NRXN1: variants seen among roughly 807,000 people sequenced by gnomAD.
NRXN1 encodes neurexin 1, also known as neurexin-1.
Under a neutral mutation model 150.9 loss-of-function variants are expected in NRXN1, and 39 were observed. The observed-to-expected ratio is 0.26, with a 90% confidence interval of 0.20 to 0.34. The LOEUF is 0.34. Ranked by LOEUF, NRXN1 falls within the 10% of genes least tolerant of loss-of-function variation. The pLI, the probability that NRXN1 is intolerant of heterozygous loss-of-function variation, is 1.00. For missense variants in NRXN1, 1,815 were observed against 1,949.9 expected (o/e 0.93, Z 1.30); for synonymous variants, 924 against 757.0 (o/e 1.22, Z -3.62).
At chr2:50,803,795 C>A in intron 5 of NRXN1, among the ~76,000 whole-genome samples, 1 of 152,196 alleles carries the variant, frequency 6.6e-6, no homozygotes, top group East Asian at 1.9e-4. Context: ...TCAGCAATTT[C>A]TTTTCTATGC....
intron 2 of NRXN1, chr2:50,985,572 C>G (rs1346812722): frequency 6.6e-6 from 1 of 151,336 alleles, no homozygotes; most frequent in East Asian, 1.9e-4. Flanking sequence ...TGAAACCACT[C>G]TGAAAGAATT....
intron 18 of NRXN1, among the ~76,000 whole-genome samples, chr2:50,103,309 A>C (rs1021282291): frequency 6.6e-6 from 1 of 152,042 alleles, no homozygotes; most frequent in African/African-American, 2.4e-5. Flanking sequence ...TTTTATCTCA[A>C]GATGTAGTAA....
chr2:50,379,299 G>A (rs2080769156), intron 17 of NRXN1, among the ~76,000 whole-genome samples: 1 of 152,078 alleles, frequency 6.6e-6, no homozygotes, highest in South Asian at 2.1e-4. Flanking sequence ...TTGTATCCCT[G>A]ACACACATAT....
intron 5 of NRXN1, among the ~76,000 whole-genome samples, chr2:50,779,663 G>A (rs1704097174): frequency 6.6e-6 from 1 of 152,146 alleles, no homozygotes; most frequent in Admixed American, 6.5e-5. Context: ...AGCTACTTGG[G>A]AGGCTGAGGC....
At chr2:50,618,812 TC>T (rs1357711339) in intron 8 of NRXN1, among the ~76,000 whole-genome samples, 1 of 151,444 alleles carries the variant, frequency 6.6e-6, no homozygotes, top group Non-Finnish European at 1.5e-5. Context: ...ATTATCATCC[TC>T]TACAGAGCTT....
chr2:50,162,600 T>G (rs944244214), intron 18 of NRXN1, among the ~76,000 whole-genome samples: 2 of 151,964 alleles, frequency 1.3e-5, no homozygotes, highest in Admixed American at 1.3e-4. Context: ...GGGCACCAAA[T>G]TCACTCCATA....
intron 17 of NRXN1, among the ~76,000 whole-genome samples, chr2:50,238,310 C>A (rs758249747): frequency 6.6e-5 from 10 of 151,950 alleles, no homozygotes; most frequent in South Asian, 2.1e-4. Context: ...TGTTTTCCTG[C>A]CTTTGCAGCT....
intron 5 of NRXN1, among the ~76,000 whole-genome samples, chr2:50,812,891 T>G (rs567139896): frequency 6.6e-6 from 1 of 152,076 alleles, no homozygotes; most frequent in African/African-American, 2.4e-5. Flanking sequence ...GGTTTTAAAT[T>G]TTTGTTTGAT....
At chr2:51,022,058 GC>G (rs1479357675) in intron 2 of NRXN1, among the ~76,000 whole-genome samples, 2 of 151,932 alleles carry the variant, frequency 1.3e-5, no homozygotes, top group Non-Finnish European at 2.9e-5. Flanking sequence ...GAAACTTTAG[GC>G]AGGTAATGGA....
chr2:50,284,831 C>G (rs896019937), intron 17 of NRXN1, among the ~76,000 whole-genome samples: 1 of 152,022 alleles, frequency 6.6e-6, no homozygotes. Flanking sequence ...CCTTGCTTAA[C>G]CTCATGGATA....
intron 17 of NRXN1, among the ~76,000 whole-genome samples, chr2:50,391,307 C>G (rs1031808389): frequency 3.3e-5 from 5 of 150,828 alleles, no homozygotes; most frequent in African/African-American, 1.2e-4. Context: ...GTTGACTGTG[C>G]ATTAATATGG....
At chr2:50,329,992 T>C (rs2076731619) in intron 17 of NRXN1, among the ~76,000 whole-genome samples, 1 of 151,876 alleles carries the variant, frequency 6.6e-6, no homozygotes, top group Non-Finnish European at 1.5e-5. Context: ...AAATTTTTAA[T>C]GGAAAAAAAT....
At chr2:49,948,394 A>G (rs1572994610) in intron 21 of NRXN1, among the ~76,000 whole-genome samples, 1 of 152,096 alleles carries the variant, frequency 6.6e-6, no homozygotes, top group East Asian at 1.9e-4. Flanking sequence ...GTAGAAAAAA[A>G]TAACTACAAA....
At chr2:50,441,835 T>A (rs2085980356) in intron 17 of NRXN1, among the ~76,000 whole-genome samples, 1 of 152,174 alleles carries the variant, frequency 6.6e-6, no homozygotes. Flanking sequence ...TCCATCAGCA[T>A]CTGATTTGGT....
chr2:50,660,668 G>T (rs1687165670), intron 5 of NRXN1, among the ~76,000 whole-genome samples: 1 of 152,026 alleles, frequency 6.6e-6, no homozygotes, highest in Non-Finnish European at 1.5e-5. Flanking sequence ...CTGGTTTACA[G>T]CAATGTGAAT....
At position 50,945,883 on chromosome 2, in the gene NRXN1, T is replaced by G. The variant is rs1040181390; in HGVS notation, c.773-19928A>C. Among the ~76,000 whole-genome samples, 386 of 142,240 alleles carry G rather than the reference T, an allele frequency of 2.7e-3. 3 individuals are homozygous for G. The highest frequency in any genetic ancestry group is 9.8e-3 in the African/African-American group (371 of 37,742). The allele number at this position is 142,240 out of a possible 152,430, so 93.3% of individuals were successfully genotyped here. ...AAAGTACTTCAGAAAAACAGATATA[T>G]ATATATATATATATATACACACACA... On this transcript the variant is annotated intron_variant, in intron 2 of 22. Transcript: ENST00000401669.
chr2:50,243,213 A>C (rs2066185751), intron 17 of NRXN1, among the ~76,000 whole-genome samples: 1 of 151,706 alleles, frequency 6.6e-6, no homozygotes, highest in Admixed American at 6.6e-5. Context: ...TGAGATGATG[A>C]ATATGCTAAA....
intron 5 of NRXN1, among the ~76,000 whole-genome samples, chr2:50,893,709 G>A (rs954102163): frequency 6.6e-6 from 1 of 152,108 alleles, no homozygotes; most frequent in African/African-American, 2.4e-5. Flanking sequence ...ATTATAATGT[G>A]ATTTTTGATA....
At chr2:49,967,514 A>G (rs1192602556) in intron 21 of NRXN1, among the ~76,000 whole-genome samples, 1 of 152,138 alleles carries the variant, frequency 6.6e-6, no homozygotes, top group Non-Finnish European at 1.5e-5. Flanking sequence ...TAAAACATGC[A>G]TTATCCTTGT....
Sources: gnomAD v4.1 joint callset for allele counts (sites outside exome capture counted in the v4.1 genomes callset) on GRCh38, gnomAD v4.1.1 for gene constraint, MANE v1.5 for transcripts, NCBI Gene and HGNC (gene_info 2026-07-23, HGNC 2026-07-21) for gene names.